The following CLEC16A variants were observed in gnomAD, a reference collection of about 807,000 sequenced individuals.
CLEC16A encodes the protein C-type lectin domain containing 16A, also known as protein CLEC16A.
CLEC16A carries 51 observed loss-of-function variants against 109.5 expected under a neutral mutation model. The ratio of observed to expected loss-of-function variants is 0.47; its 90% CI spans 0.37 to 0.59. The LOEUF is 0.59. CLEC16A is among the 20% of genes least tolerant of loss of function. CLEC16A has a pLI of 0.00. For synonymous variants in CLEC16A, 673 were observed against 564.2 expected (o/e 1.19, Z -2.73); for missense variants, 1,339 against 1,394.0 (o/e 0.96, Z 0.63).
At chr16:11,069,560 C>T (rs956597336) in intron 19 of CLEC16A, among the ~76,000 whole-genome samples, 1 of 151,924 alleles carries the variant, frequency 6.6e-6, no homozygotes. Flanking sequence ...GCCTCAGCCT[C>T]CTGAGTAACT....
chr16:11,044,256 C>T (rs1446170653), intron 16 of CLEC16A, 184 bp downstream of exon 16: 8 of 438,522 alleles, frequency 1.8e-5, no homozygotes, highest in Non-Finnish European at 3.1e-5. Context: ...TCTGTCCAAG[C>T]TGTCTTATCA....
At chr16:11,035,062 C>G (rs2046948259) in intron 13 of CLEC16A, among the ~76,000 whole-genome samples, 2 of 152,202 alleles carry the variant, frequency 1.3e-5, no homozygotes, top group Non-Finnish European at 2.9e-5. Context: ...AGGCAGGAGG[C>G]TTAAACCTAA....
intron 18 of CLEC16A, among the ~76,000 whole-genome samples, chr16:11,054,556 T>C (rs1250207462): frequency 2.0e-5 from 3 of 152,148 alleles, no homozygotes; most frequent in African/African-American, 7.2e-5. Context: ...TCTGACAAGT[T>C]TCCAAAAGCA....
chr16:10,975,360 G>T (rs1325777229), intron 7 of CLEC16A, among the ~76,000 whole-genome samples: 3 of 152,076 alleles, frequency 2.0e-5, no homozygotes, highest in Non-Finnish European at 2.9e-5. Flanking sequence ...GAGGAGGCGA[G>T]TCTGGGCCAG....
rs41374 is a variant in CLEC16A, at chr16:11,159,292, A to C, written c.2642-7096A>C. Among the ~76,000 whole-genome samples, 290 of 152,358 alleles carry C rather than the reference A, an allele frequency of 1.9e-3. 3 individuals carry two copies. Among genetic ancestry groups the C allele is most frequent in the African/African-American group, 6.8e-3 (281 of 41,578 alleles). ...ATGCCTGCACTGTTGTTTTAATAGA[A>C]GAGAATGGTTTCTCAGTGTGCGTGT... On this transcript the variant is annotated intron_variant, in intron 22 of 23. Transcript: ENST00000409790.
At chr16:11,056,111 T>C (rs2048199435) in intron 18 of CLEC16A, among the ~76,000 whole-genome samples, 1 of 152,118 alleles carries the variant, frequency 6.6e-6, no homozygotes, top group East Asian at 1.9e-4. Context: ...AGTGAGAACA[T>C]TGGAGCAGAA....
chr16:11,154,400 A>G (rs1047443398), intron 22 of CLEC16A, among the ~76,000 whole-genome samples: 1 of 152,240 alleles, frequency 6.6e-6, no homozygotes, highest in Non-Finnish European at 1.5e-5. Flanking sequence ...AAGAATCTAG[A>G]TGAAAATAAC....
chr16:11,082,617 G>A (rs893923967), intron 19 of CLEC16A, among the ~76,000 whole-genome samples: 1 of 152,176 alleles, frequency 6.6e-6, no homozygotes, highest in Admixed American at 6.5e-5. Flanking sequence ...CGTTTATGGA[G>A]GCCCTGCTGC....
chr16:11,061,978 G>C (rs762742877), intron 19 of CLEC16A, among the ~76,000 whole-genome samples: 1 of 152,174 alleles, frequency 6.6e-6, no homozygotes, highest in Non-Finnish European at 1.5e-5. Flanking sequence ...ACACAGCCCT[G>C]ATGGAAAGAG....
intron 11 of CLEC16A, among the ~76,000 whole-genome samples, chr16:11,017,738 G>A (rs1263172813): frequency 6.6e-6 from 1 of 152,134 alleles, no homozygotes; most frequent in Non-Finnish European, 1.5e-5. Context: ...CTCAAAACCT[G>A]TAACCCCAGT....
At chr16:11,001,802 C>T (rs967131623) in intron 10 of CLEC16A, among the ~76,000 whole-genome samples, 1 of 152,090 alleles carries the variant, frequency 6.6e-6, no homozygotes, top group Non-Finnish European at 1.5e-5. Context: ...CCACCACACC[C>T]GGCCATCTCT....
intron 22 of CLEC16A, among the ~76,000 whole-genome samples, chr16:11,165,983 G>A (rs985400741): frequency 5.3e-5 from 8 of 152,042 alleles, no homozygotes; most frequent in African/African-American, 1.7e-4. Context: ...GCATGGGTCC[G>A]GTGCCCTTCC....
At chr16:11,134,142 C>A (rs1311049710) in intron 22 of CLEC16A, among the ~76,000 whole-genome samples, 1 of 151,654 alleles carries the variant, frequency 6.6e-6, no homozygotes, top group Non-Finnish European at 1.5e-5. Context: ...CATGCTGAAC[C>A]AACTTTTAAT....
At chr16:11,164,361 C>G (rs1463023567) in intron 22 of CLEC16A, among the ~76,000 whole-genome samples, 1 of 152,200 alleles carries the variant, frequency 6.6e-6, no homozygotes, top group African/African-American at 2.4e-5. Context: ...AGGAGCTGAT[C>G]TTTAGACGAA....
Position 11,174,437 on chromosome 16 carries a change from TC to T in CLEC16A, c.2807-3895del, listed in dbSNP as rs2068661043. 6.6e-6 allele frequency among the ~76,000 whole-genome samples: 1 copy of T among 152,246 alleles called. No homozygotes were observed. Among genetic ancestry groups the T allele is most frequent in the South Asian group, 2.1e-4 (1 of 4,832 alleles). ...CCCCATTTTCCCCCAAAGTTGGTTC[TC>T]CCTGCTCCCTGTCTGGCCTCACCTC... is the stretch of plus-strand genomic sequence containing the variant. On this transcript the variant is annotated intron_variant, in intron 23 of 23. Coordinates refer to ENST00000409790, the MANE Select transcript of CLEC16A (RefSeq NM_015226.3). The surrounding 1 kb of genome is among the most constrained non-coding windows in gnomAD (Gnocchi z 4.7).
chr16:11,172,520 G>A (rs1199099353), intron 23 of CLEC16A, among the ~76,000 whole-genome samples: 3 of 152,154 alleles, frequency 2.0e-5, no homozygotes, highest in Non-Finnish European at 4.4e-5. Flanking sequence ...AGGACAGTGT[G>A]AATGTCAGCC....
chr16:11,148,358 G>A (rs191676742), intron 22 of CLEC16A, among the ~76,000 whole-genome samples: 99 of 152,278 alleles, frequency 6.5e-4, no homozygotes, highest in African/African-American at 2.3e-3. Flanking sequence ...TGGCCTTTTT[G>A]TATGGTAGAA....
chr16:11,044,109 T>C, intron 16 of CLEC16A, 37 bp downstream of exon 16: 14 of 1,570,546 alleles, frequency 8.9e-6, no homozygotes, highest in Non-Finnish European at 1.1e-5. Context: ...CAGCATGGTG[T>C]GTATTGTAGA....
chr16:11,116,242 A>C (rs981555407), intron 19 of CLEC16A, among the ~76,000 whole-genome samples: 15 of 151,866 alleles, frequency 9.9e-5, no homozygotes, highest in African/African-American at 3.6e-4. Context: ...ATAAAAAAAA[A>C]AAAATAGCCA....
Sources: allele counts gnomAD v4.1 joint callset (sites outside exome capture counted in the v4.1 genomes callset), GRCh38; gene constraint gnomAD v4.1.1; non-coding constraint Gnocchi (gnomAD v3.1); transcripts MANE v1.5; gene names NCBI Gene and HGNC (gene_info 2026-07-23, HGNC 2026-07-21).